KHDRBS2: variants seen among roughly 807,000 people sequenced by gnomAD.
The protein encoded by KHDRBS2 is KH RNA binding domain containing, signal transduction associated 2.
In KHDRBS2, 26 loss-of-function variants were observed where a neutral mutation model predicts 44.3. The ratio of observed to expected loss-of-function variants is 0.59; its 90% CI spans 0.43 to 0.81. KHDRBS2 has a LOEUF of 0.81. Among genes scored for constraint, KHDRBS2 ranks in the 40% least tolerant of loss-of-function variants. The probability of loss-of-function intolerance (pLI) is 0.00; values close to 1 mark genes in which losing one functional copy is unlikely to be tolerated. For missense variants in KHDRBS2, 476 were observed against 433.1 expected (o/e 1.10, Z -0.88); for synonymous variants, 194 against 151.1 (o/e 1.28, Z -2.08).
intron 7 of KHDRBS2, among the ~76,000 whole-genome samples, chr6:61,700,194 G>C (rs1016040961): frequency 6.6e-6 from 1 of 151,702 alleles, no homozygotes; most frequent in Non-Finnish European, 1.5e-5. Context: ...TTTTCTATGA[G>C]TAAGCCCCGA....
chr6:61,563,263 G>T, the KHDRBS2 span, among the ~76,000 whole-genome samples: 1 of 152,014 alleles, frequency 6.6e-6, no homozygotes, highest in Non-Finnish European at 1.5e-5. Flanking sequence ...CTTTTGTCAT[G>T]TCAATTTCCC....
intron 8 of KHDRBS2, among the ~76,000 whole-genome samples, chr6:61,689,442 G>A (rs1582172076): frequency 1.3e-5 from 2 of 151,964 alleles, no homozygotes; most frequent in Non-Finnish European, 2.9e-5. Flanking sequence ...GTTGTATGAA[G>A]TAGAATTTTG....
chr6:61,624,802 C>T, the KHDRBS2 span, among the ~76,000 whole-genome samples: 3 of 151,952 alleles, frequency 2.0e-5, no homozygotes, highest in Non-Finnish European at 4.4e-5. Context: ...CTATATGGAC[C>T]CAAGAACCAA....
At chr6:61,969,529 C>A (rs556316932) in intron 4 of KHDRBS2, among the ~76,000 whole-genome samples, 1 of 151,966 alleles carries the variant, frequency 6.6e-6, no homozygotes, top group African/African-American at 2.4e-5. Flanking sequence ...TACTCATATA[C>A]CCTTTATTTG....
intron 6 of KHDRBS2, among the ~76,000 whole-genome samples, chr6:61,746,129 T>G (rs766709000): frequency 1.3e-5 from 2 of 152,006 alleles, no homozygotes; most frequent in African/African-American, 2.4e-5. Flanking sequence ...GTTTGTTACA[T>G]TGGTGTACAT....
At chr6:62,077,194 G>T (rs374868667) in intron 2 of KHDRBS2, among the ~76,000 whole-genome samples, 1 of 151,984 alleles carries the variant, frequency 6.6e-6, no homozygotes, top group Non-Finnish European at 1.5e-5. Flanking sequence ...TGAAGAGCAA[G>T]GACCATATTA....
intron 6 of KHDRBS2, among the ~76,000 whole-genome samples, chr6:61,788,806 A>G (rs1362104326): frequency 1.3e-5 from 2 of 151,260 alleles, no homozygotes; most frequent in African/African-American, 4.8e-5. Flanking sequence ...TAAAATGTTC[A>G]TAGATTATAT....
chr6:62,152,005 T>C (rs1815299959), intron 2 of KHDRBS2, among the ~76,000 whole-genome samples: 1 of 152,168 alleles, frequency 6.6e-6, no homozygotes, highest in African/African-American at 2.4e-5. Context: ...CCTTAGTGTT[T>C]TCATCTGCTA....
chr6:61,884,034 G>T (rs1296013260), intron 6 of KHDRBS2, among the ~76,000 whole-genome samples: 1 of 152,000 alleles, frequency 6.6e-6, no homozygotes, highest in East Asian at 1.9e-4. Flanking sequence ...AATGGCACAA[G>T]AATTGATTTC....
At chr6:61,778,308 T>C (rs1782416179) in intron 6 of KHDRBS2, among the ~76,000 whole-genome samples, 1 of 152,186 alleles carries the variant, frequency 6.6e-6, no homozygotes, top group South Asian at 2.1e-4. Flanking sequence ...TGCCTGGGAC[T>C]GTGCAAGACA....
chr6:61,598,280 A>T, the KHDRBS2 span, among the ~76,000 whole-genome samples: 3 of 151,730 alleles, frequency 2.0e-5, no homozygotes, highest in African/African-American at 7.2e-5. Context: ...TACCTAAACA[A>T]ATGACTCAAA....
chr6:61,586,372 CAG>C, the KHDRBS2 span, among the ~76,000 whole-genome samples: 13 of 152,090 alleles, frequency 8.5e-5, no homozygotes, highest in African/African-American at 2.7e-4. Context: ...CTTTATGAAA[CAG>C]ATTGATTTTT....
chr6:61,714,526 G>T (rs1438432270), intron 7 of KHDRBS2, among the ~76,000 whole-genome samples: 2 of 151,736 alleles, frequency 1.3e-5, no homozygotes, highest in Non-Finnish European at 2.9e-5. Flanking sequence ...TGATACAGTG[G>T]TCCCACTACT....
At chr6:62,194,572 C>A (rs1220813506) in intron 1 of KHDRBS2, among the ~76,000 whole-genome samples, 1 of 138,510 alleles carries the variant, frequency 7.2e-6, no homozygotes, top group African/African-American at 2.7e-5. Context: ...ACAATCTCAG[C>A]TCACTGCAAC....
chr6:61,814,669 G>A (rs1788632547), intron 6 of KHDRBS2, among the ~76,000 whole-genome samples: 1 of 152,090 alleles, frequency 6.6e-6, no homozygotes. Flanking sequence ...TTTACCCAAA[G>A]TTTAGAATTG....
intron 4 of KHDRBS2, among the ~76,000 whole-genome samples, chr6:61,910,116 TG>T (rs1473405843): frequency 1.3e-5 from 2 of 152,156 alleles, no homozygotes; most frequent in Non-Finnish European, 1.5e-5. Flanking sequence ...AAAGAAGGTG[TG>T]GGAAGTGTTG....
intron 2 of KHDRBS2, among the ~76,000 whole-genome samples, chr6:62,144,797 T>A (rs1235596716): frequency 6.6e-6 from 1 of 151,916 alleles, no homozygotes; most frequent in Non-Finnish European, 1.5e-5. Context: ...TGAGATAAGA[T>A]TATGCATGAC....
chr6:62,075,872 C>A (rs1796226214), intron 2 of KHDRBS2, among the ~76,000 whole-genome samples: 1 of 146,390 alleles, frequency 6.8e-6, no homozygotes, highest in Admixed American at 6.9e-5. Context: ...CTGCTGGTGG[C>A]CTGGCAATCC....
chr6:61,640,817 T>C, the KHDRBS2 span, among the ~76,000 whole-genome samples: 98 of 152,246 alleles, frequency 6.4e-4, no homozygotes, highest in African/African-American at 2.2e-3. Context: ...GTAAGAAATT[T>C]TGGACGTGGC....
Sources: allele counts gnomAD v4.1 joint callset (sites outside exome capture counted in the v4.1 genomes callset), GRCh38; gene constraint gnomAD v4.1.1; transcripts MANE v1.5; gene names NCBI Gene and HGNC (gene_info 2026-07-23, HGNC 2026-07-21).